Variants in GBE1 observed in about 807,000 individuals in gnomAD.
GBE1 encodes 1,4-alpha-glucan-branching enzyme.
GBE1 carries 70 observed loss-of-function variants against 88.8 expected under a neutral mutation model. The ratio of observed to expected loss-of-function variants is 0.79; its 90% confidence interval spans 0.65 to 0.96. The LOEUF (loss-of-function observed/expected upper bound fraction) is 0.96, where lower values mean the gene tolerates loss of function less well. GBE1 is among the 40% of genes least tolerant of loss of function. The pLI is 0.00. For synonymous variants in GBE1, 284 were observed against 300.1 expected, an observed-to-expected ratio of 0.95 and a Z score of 0.56; for missense variants, 872 against 871.0, an observed-to-expected ratio of 1.00 and a Z score of -0.01.
At chr3:81,595,497 T>G (rs1219777175) in intron 7 of GBE1, among the ~76,000 whole-genome samples, 3 of 151,868 alleles carry the variant, frequency 2.0e-5, no homozygotes, top group African/African-American at 2.4e-5. Flanking sequence ...GTAACAAGTT[T>G]GCTATATGAG....
At chr3:81,694,963 G>A (rs1337948872) in intron 2 of GBE1, among the ~76,000 whole-genome samples, 1 of 152,076 alleles carries the variant, frequency 6.6e-6, no homozygotes, top group African/African-American at 2.4e-5. Context: ...CAGTCGCCAA[G>A]ACAATGACTG....
At chr3:81,521,699 T>C (rs558968550) in intron 14 of GBE1, among the ~76,000 whole-genome samples, 1 of 151,664 alleles carries the variant, frequency 6.6e-6, no homozygotes, top group East Asian at 1.9e-4. Context: ...AACAGAGAAT[T>C]GTCCTGTAAT....
At chr3:81,602,462 A>C (rs971166397) in intron 7 of GBE1, among the ~76,000 whole-genome samples, 4 of 152,154 alleles carry the variant, frequency 2.6e-5, no homozygotes, top group African/African-American at 9.7e-5. Context: ...TGGAGGATGG[A>C]AGTCCAAAAT....
intron 7 of GBE1, among the ~76,000 whole-genome samples, chr3:81,626,520 C>T (rs1179176118): frequency 6.6e-6 from 1 of 151,870 alleles, no homozygotes; most frequent in African/African-American, 2.4e-5. Context: ...TTTAGACCAG[C>T]GAAGATAAGG....
At chr3:81,549,730 A>G (rs997052935) in intron 12 of GBE1, among the ~76,000 whole-genome samples, 1 of 151,620 alleles carries the variant, frequency 6.6e-6, no homozygotes, top group African/African-American at 2.4e-5. Flanking sequence ...GAATTCCATC[A>G]AAGCCAACCA....
At chr3:81,656,161 A>T (rs373021783) in intron 3 of GBE1, among the ~76,000 whole-genome samples, 1 of 152,098 alleles carries the variant, frequency 6.6e-6, no homozygotes, top group African/African-American at 2.4e-5. Flanking sequence ...TCCACACCCT[A>T]CGCCAAGAAT....
chr3:81,625,595 G>A (rs567868338), intron 7 of GBE1, among the ~76,000 whole-genome samples: 1 of 152,066 alleles, frequency 6.6e-6, no homozygotes, highest in African/African-American at 2.4e-5. Context: ...GCACCACTAT[G>A]CCCAGGTAAT....
chr3:81,731,968 A>C (rs540651472), intron 1 of GBE1, among the ~76,000 whole-genome samples: 1 of 152,146 alleles, frequency 6.6e-6, no homozygotes, highest in Non-Finnish European at 1.5e-5. Context: ...AAAAAACACT[A>C]ATTTTTGTTT....
At chr3:81,616,069 C>T (rs560421916) in intron 7 of GBE1, among the ~76,000 whole-genome samples, 2 of 152,002 alleles carry the variant, frequency 1.3e-5, no homozygotes, top group Non-Finnish European at 2.9e-5. Context: ...TGTTTTCTTG[C>T]CATTTTATGA....
chr3:81,525,337 T>C (rs977225899), intron 14 of GBE1, among the ~76,000 whole-genome samples: 2 of 152,100 alleles, frequency 1.3e-5, no homozygotes, highest in Admixed American at 6.6e-5. Flanking sequence ...TTACATTTAG[T>C]GATTTGCATA....
intron 7 of GBE1, among the ~76,000 whole-genome samples, chr3:81,628,728 A>C (rs1355169924): frequency 1.5e-5 from 2 of 135,338 alleles, no homozygotes; most frequent in Non-Finnish European, 3.1e-5. Flanking sequence ...AATATAAAGG[A>C]GAAAGAACAA....
At chr3:81,569,327 T>C (rs13071810) in intron 12 of GBE1, among the ~76,000 whole-genome samples, 34,274 of 152,176 alleles carry the variant, frequency 0.23, 4,117 homozygotes, top group East Asian at 0.41. Context: ...ACATGTAAAC[T>C]GTGAAATATG....
At chr3:81,737,345 ATATAAATATATATT>A (rs1706274744) in intron 1 of GBE1, among the ~76,000 whole-genome samples, 1 of 106,576 alleles carries the variant, frequency 9.4e-6, no homozygotes, top group Non-Finnish European at 1.7e-5. Flanking sequence ...ATATATATTT[ATATAAATATATATT>A]TATATATTTA....
Position 81,619,415 on chromosome 3 carries a change from T to A in GBE1, c.992+23366A>T, listed in dbSNP as rs1301899250. ...AAATTAGAATAAAAAGAAACATATT[T>A]CACATATATTAAGGGTACAACTATA... is the stretch of plus-strand genomic sequence containing the variant. On this transcript the variant is annotated intron_variant, in intron 7 of 15. Transcript: ENST00000429644. Among the ~76,000 whole-genome samples, 7 of 152,290 alleles carry A rather than the reference T, an allele frequency of 4.6e-5. No homozygotes were observed. In the East Asian group the frequency reaches 1.3e-3, roughly 29 times the overall value.
intron 1 of GBE1, among the ~76,000 whole-genome samples, chr3:81,737,658 T>C (rs1482499039): frequency 6.9e-6 from 1 of 145,072 alleles, no homozygotes; most frequent in Non-Finnish European, 1.6e-5. Context: ...TTTTATGTCT[T>C]CTTTTTTTAA....
intron 3 of GBE1, among the ~76,000 whole-genome samples, chr3:81,661,576 G>T (rs1032400491): frequency 6.6e-6 from 1 of 152,028 alleles, no homozygotes; most frequent in African/African-American, 2.4e-5. Context: ...ATGTATCTTG[G>T]ACAGCAGTTT....
chr3:81,492,124 T>C (rs1702444108), intron 15 of GBE1, among the ~76,000 whole-genome samples: 1 of 152,244 alleles, frequency 6.6e-6, no homozygotes, highest in South Asian at 2.1e-4. Context: ...ATGTTCTGTT[T>C]TGCAATACAG....
intron 1 of GBE1, among the ~76,000 whole-genome samples, chr3:81,755,235 A>G (rs1294451020): frequency 6.6e-6 from 1 of 152,190 alleles, no homozygotes; most frequent in Non-Finnish European, 1.5e-5. Context: ...ATCACTAATC[A>G]TCACAGAAAT....
intron 14 of GBE1, among the ~76,000 whole-genome samples, chr3:81,531,402 C>T (rs1703009631): frequency 6.6e-6 from 1 of 150,826 alleles, no homozygotes. Flanking sequence ...GAGTCTCTTC[C>T]CATGGCCAAC....
Sources: gnomAD v4.1 joint callset for allele counts (sites outside exome capture counted in the v4.1 genomes callset) on GRCh38, gnomAD v4.1.1 for gene constraint, MANE v1.5 for transcripts, NCBI Gene and HGNC (gene_info 2026-07-23, HGNC 2026-07-21) for gene names.